The following MTMR3 variants were observed in gnomAD, a reference collection of about 807,000 sequenced individuals.
The protein encoded by MTMR3 is phosphatidylinositol-3,5-bisphosphate 3-phosphatase MTMR3.
A neutral mutation model predicts 132.4 loss-of-function variants in MTMR3; 32 were observed. The observed-to-expected ratio is 0.24, with a 90% confidence interval of 0.18 to 0.32. The LOEUF (loss-of-function observed/expected upper bound fraction) is 0.32, where lower values mean the gene tolerates loss of function less well. Ranked by LOEUF, MTMR3 falls within the 10% of genes least tolerant of loss-of-function variation. The pLI is 1.00. For missense variants in MTMR3, 1,216 were observed against 1,489.6 expected, an observed-to-expected ratio of 0.82 and a Z score of 3.02; for synonymous variants, 556 against 550.3, an observed-to-expected ratio of 1.01 and a Z score of -0.14.
chr22:30,013,258 G>A, intron 13 of MTMR3, 98 bp from the exon 14 acceptor site: 2 of 1,281,566 alleles, frequency 1.6e-6, no homozygotes, highest in Non-Finnish European at 2.2e-6. Context: ...CTTTCTGGGA[G>A]GCTGTTAGAG....
intron 5 of MTMR3, chr22:29,981,638 A>C (rs973563722): frequency 6.6e-6 from 1 of 151,610 alleles, no homozygotes; most frequent in Admixed American, 6.6e-5. Context: ...GTTCGAAACC[A>C]GCCTGGCCAA....
Position 30,020,776 on chromosome 22 carries a change from G to A in MTMR3, c.3117G>A (p.Gln1039=), listed in dbSNP as rs2067724304. ...TGCGTCAGATTGAGTCAGGCCACCA[G>A]CAGGAAGTAGAAACTTTGAAGAAAC... ...QRLRQIESGH[Q]QEVETLKKQV... Residue 1039 remains glutamine, a synonymous_variant, in exon 17 of 20, where the codon CAG becomes CAA. Coordinates refer to ENST00000401950, the MANE Select transcript of MTMR3 (RefSeq NM_021090.4). 8 of 1,614,124 alleles carry A rather than the reference G, an allele frequency of 5.0e-6. No homozygotes were observed. The highest frequency in any genetic ancestry group is 6.8e-6 in the Non-Finnish European group (8 of 1,179,994).
rs578094808 is a variant in MTMR3, at chr22:30,028,705, G to A, written c.*2904G>A. The A allele has an allele frequency of 5.9e-5, 9 of 152,446 alleles. No individual in the cohort carries two copies. Among genetic ancestry groups the A allele is most frequent in the African/African-American group, 2.2e-4 (9 of 41,570 alleles). The allele number at this position is 152,446 out of a possible 1,614,324, so 9.4% of individuals were successfully genotyped here. ...TTCACTCTTTGGGGCAGTCTCTCTA[G>A]GGTCACTTTCTGAATGTACCTTCTA... On this transcript the variant is annotated 3_prime_UTR_variant, in exon 20 of 20. Coordinates refer to ENST00000401950, the MANE Select transcript of MTMR3 (RefSeq NM_021090.4).
chr22:29,978,619 TTA>T (rs201716273), intron 4 of MTMR3, 88 bp downstream of exon 4: 1,045 of 895,056 alleles, frequency 1.2e-3, no homozygotes, highest in Middle Eastern at 2.2e-3. Flanking sequence ...ACGTACTATA[TTA>T]TATATATATA....
chr22:29,987,159 A>G (rs1185412585), intron 5 of MTMR3: 1 of 152,222 alleles, frequency 6.6e-6, no homozygotes, highest in Non-Finnish European at 1.5e-5. Flanking sequence ...CCAGTCATTT[A>G]TCTGAGTAAT....
At chr22:29,951,182 T>G (rs909438666) in intron 1 of MTMR3, among the ~76,000 whole-genome samples, 1 of 152,120 alleles carries the variant, frequency 6.6e-6, no homozygotes, top group African/African-American at 2.4e-5. Flanking sequence ...GTGTTCTGCA[T>G]GTAGAAGGGA....
chr22:30,012,862 A>AGGAG (rs1185972021), intron 13 of MTMR3: 1 of 267,656 alleles, frequency 3.7e-6, no homozygotes, highest in African/African-American at 2.2e-5. Context: ...CTGTAAAAGG[A>AGGAG]TCTTGGCATG....
chr22:29,962,932 A>T (rs1307733909), intron 2 of MTMR3, among the ~76,000 whole-genome samples: 4 of 139,350 alleles, frequency 2.9e-5, no homozygotes, highest in African/African-American at 1.1e-4. Flanking sequence ...TTTTTGAGAC[A>T]GGGTCTCACT....
At chr22:29,974,311 T>C (rs1434496543) in intron 3 of MTMR3, among the ~76,000 whole-genome samples, 1 of 152,210 alleles carries the variant, frequency 6.6e-6, no homozygotes, top group African/African-American at 2.4e-5. Context: ...AAATTCAGGC[T>C]AATTCAACTG....
chr22:29,960,863 ATTTT>A (rs958997202), intron 2 of MTMR3, among the ~76,000 whole-genome samples: 4 of 152,164 alleles, frequency 2.6e-5, no homozygotes, highest in Non-Finnish European at 5.9e-5. Context: ...ATTAAAACTT[ATTTT>A]GAGTTTTCTG....
intron 18 of MTMR3, 108 bp downstream of exon 18, chr22:30,022,247 C>T (rs1290932691): frequency 2.4e-6 from 2 of 835,194 alleles, no homozygotes; most frequent in Non-Finnish European, 3.9e-6. Context: ...CCTCCCAGCA[C>T]AGCTAGCCCT....
intron 1 of MTMR3, among the ~76,000 whole-genome samples, chr22:29,928,254 C>T (rs1048934681): frequency 1.1e-4 from 16 of 150,618 alleles, no homozygotes; most frequent in Non-Finnish European, 1.3e-4. Context: ...TGGTCACTGC[C>T]GCCTCCGCCT....
chr22:29,919,275 C>T (rs1489489739), intron 1 of MTMR3, among the ~76,000 whole-genome samples: 1 of 152,096 alleles, frequency 6.6e-6, no homozygotes, highest in Non-Finnish European at 1.5e-5. Flanking sequence ...TATTTTTATT[C>T]ATCATACCAT....
chr22:30,017,808 G>A, intron 15 of MTMR3, 119 bp from the exon 16 acceptor site: 1 of 1,271,596 alleles, frequency 7.9e-7, no homozygotes, highest in Non-Finnish European at 1.1e-6. Context: ...GCTTCTTTGT[G>A]GAGATCCTGT....
intron 18 of MTMR3, 200 bp downstream of exon 18, chr22:30,022,339 C>T (rs1169969980): frequency 8.2e-6 from 5 of 610,156 alleles, no homozygotes; most frequent in African/African-American, 5.5e-5. Flanking sequence ...GCTGGCCCTC[C>T]CTCTTCATTG....
chr22:29,957,344 A>G (rs2066217013), intron 2 of MTMR3, among the ~76,000 whole-genome samples: 1 of 149,460 alleles, frequency 6.7e-6, no homozygotes, highest in East Asian at 2.0e-4. Context: ...GAAAACTTGT[A>G]TTTAAGTTGA....
Position 30,020,297 on chromosome 22 carries a change from A to G in MTMR3, c.2638A>G (p.Met880Val), listed in dbSNP as rs1324239034. The change falls in exon 17 of 20, where the codon ATG becomes GTG. Residue 880 changes from methionine to valine, a missense_variant. By Grantham distance (21) the Met-to-Val change is conservative. Coordinates refer to ENST00000401950, the MANE Select transcript of MTMR3 (RefSeq NM_021090.4). ...TGGCAAGGACAGGCTTCCTCAGACCATGGAACCCAGCCCTTCAGAGACAAG... is the reference window on the plus strand; with the variant it reads ...TGGCAAGGACAGGCTTCCTCAGACCGTGGAACCCAGCCCTTCAGAGACAAG... ...NSGKDRLPQTMEPSPSETSLV... is the reference protein window; with the variant it reads ...NSGKDRLPQTVEPSPSETSLV... The G allele has an allele frequency of 3.1e-6, 5 of 1,614,206 alleles. No homozygotes were observed. In the South Asian group the frequency reaches 4.4e-5, roughly 14 times the overall value.
chr22:29,932,877 A>T (rs1371548236), intron 1 of MTMR3, among the ~76,000 whole-genome samples: 1 of 151,986 alleles, frequency 6.6e-6, no homozygotes, highest in Non-Finnish European at 1.5e-5. Context: ...CCCTTTCTCC[A>T]TATTTTTTCC....
chr22:29,893,081 G>C (rs1360633085), intron 1 of MTMR3, among the ~76,000 whole-genome samples: 4 of 152,146 alleles, frequency 2.6e-5, no homozygotes, highest in African/African-American at 9.7e-5. Flanking sequence ...TACATTGCCT[G>C]GTACAGAGTA....
Sources: gnomAD v4.1 joint callset for allele counts (sites outside exome capture counted in the v4.1 genomes callset) on GRCh38, gnomAD v4.1.1 for gene constraint, MANE v1.5 for transcripts, NCBI Gene and HGNC (gene_info 2026-07-23, HGNC 2026-07-21) for gene names.